AHCYL2: variants seen among roughly 807,000 people sequenced by gnomAD.
AHCYL2 encodes the protein S-adenosylhomocysteine hydrolase-like protein 2.
In AHCYL2, 28 loss-of-function variants were observed where a neutral mutation model predicts 81.4. The observed-to-expected ratio is 0.34, with a 90% CI of 0.25 to 0.47. AHCYL2 has a LOEUF of 0.47. Among genes scored for constraint, AHCYL2 ranks in the 20% least tolerant of loss-of-function variants. AHCYL2 has a pLI of 1.00. For missense variants in AHCYL2, 551 were observed against 785.1 expected (o/e 0.70, Z 3.56); for synonymous variants, 272 against 290.2 (o/e 0.94, Z 0.64).
At position 129,389,173 on chromosome 7, in the gene AHCYL2, G is replaced by A. The variant is rs750447678; in HGVS notation, c.593G>A (p.Arg198Gln). 1.8e-5 allele frequency: 29 copies of A among 1,613,872 alleles called. No homozygotes were observed. Among genetic ancestry groups the A allele is most frequent in the East Asian group, 4.5e-5 (2 of 44,888 alleles). ...VKNIKQAEFG[R>Q]REIEIAEQEM... is the part of the protein sequence containing the mutation. ...AACATCAAACAGGCAGAGTTTGGAC[G>A]AAGAGAAATTGAAATTGCTGAACAA... Residue 198 changes from arginine (R) to glutamine (Q), a missense_variant, in exon 3 of 17, where the codon CGA becomes CAA. Physicochemically the swap from Arg to Gln is conservative, Grantham distance 43. Transcript: ENST00000325006.
chr7:129,267,597 G>GC (rs1023676390), intron 1 of AHCYL2, among the ~76,000 whole-genome samples: 1 of 152,060 alleles, frequency 6.6e-6, no homozygotes, highest in African/African-American at 2.4e-5. Flanking sequence ...GAGCCACTGC[G>GC]CCCCTCCCCA....
intron 1 of AHCYL2, among the ~76,000 whole-genome samples, chr7:129,248,902 T>C (rs1318342416): frequency 1.3e-5 from 2 of 152,132 alleles, no homozygotes; most frequent in Non-Finnish European, 2.9e-5. Context: ...ATGAAATTGT[T>C]TTCTTGATTT....
intron 2 of AHCYL2, among the ~76,000 whole-genome samples, chr7:129,384,358 T>C (rs915640837): frequency 1.3e-5 from 2 of 151,092 alleles, no homozygotes; most frequent in Non-Finnish European, 2.9e-5. Context: ...TTCCTTTCTA[T>C]TTAAATGCAG....
At chr7:129,306,156 A>G (rs954460452) in intron 1 of AHCYL2, among the ~76,000 whole-genome samples, 10 of 152,078 alleles carry the variant, frequency 6.6e-5, no homozygotes, top group African/African-American at 1.9e-4. Flanking sequence ...GAAGTTCTCT[A>G]TTGTTATCCC....
intron 1 of AHCYL2, among the ~76,000 whole-genome samples, chr7:129,350,562 T>TAC (rs1478458197): frequency 6.6e-6 from 1 of 151,912 alleles, no homozygotes; most frequent in Non-Finnish European, 1.5e-5. Context: ...AATTTTTGTA[T>TAC]TTTTAGTAGA....
intron 1 of AHCYL2, among the ~76,000 whole-genome samples, chr7:129,322,034 C>G (rs1049986584): frequency 6.6e-6 from 1 of 151,682 alleles, no homozygotes; most frequent in African/African-American, 2.4e-5. Context: ...CCTTGGCCCC[C>G]CAAAGTGCTG....
At chr7:129,315,331 C>G (rs913167183) in intron 1 of AHCYL2, among the ~76,000 whole-genome samples, 2 of 152,172 alleles carry the variant, frequency 1.3e-5, no homozygotes, top group African/African-American at 4.8e-5. Context: ...GGTCCAGTAC[C>G]TTGGTTCTTT....
intron 1 of AHCYL2, among the ~76,000 whole-genome samples, chr7:129,363,305 G>A (rs1163666946): frequency 2.0e-5 from 3 of 152,118 alleles, no homozygotes; most frequent in Admixed American, 6.6e-5. Flanking sequence ...TATTGGAAAC[G>A]AATTTATAAC....
chr7:129,350,407 G>T (rs1409233551), intron 1 of AHCYL2, among the ~76,000 whole-genome samples: 8 of 150,276 alleles, frequency 5.3e-5, no homozygotes, highest in African/African-American at 2.0e-4. Flanking sequence ...TTTGGAGATG[G>T]AGTCTCACTT....
At chr7:129,385,871 C>T (rs951261963) in intron 2 of AHCYL2, among the ~76,000 whole-genome samples, 93 of 152,058 alleles carry the variant, frequency 6.1e-4, no homozygotes, top group Non-Finnish European at 2.9e-4. Context: ...TTTGTACATA[C>T]GTGTTGGGTT....
intron 1 of AHCYL2, among the ~76,000 whole-genome samples, chr7:129,316,613 G>A (rs1020046659): frequency 1.3e-5 from 2 of 152,180 alleles, no homozygotes; most frequent in Non-Finnish European, 2.9e-5. Flanking sequence ...GGTTATGAAG[G>A]ATTGATTTAA....
intron 1 of AHCYL2, among the ~76,000 whole-genome samples, chr7:129,291,712 T>TC (rs35300462): frequency 0.94 from 141,833 of 151,586 alleles, 67,050 homozygotes; most frequent in East Asian, 1. Context: ...ACGCCGTTCT[T>TC]CGCCTCAGCC....
intron 1 of AHCYL2, among the ~76,000 whole-genome samples, chr7:129,241,978 C>T (rs1471634420): frequency 1.4e-5 from 2 of 145,408 alleles, no homozygotes; most frequent in Non-Finnish European, 3.0e-5. Flanking sequence ...GTGTTTATAA[C>T]TCCCCTTCAT....
In AHCYL2 at chr7:129,406,389, G is replaced by T; in HGVS notation, c.1218G>T (p.Gly406=). Residue 406 remains glycine (G), a synonymous_variant, in exon 10 of 17, where the codon GGG becomes GGT. Coordinates refer to ENST00000325006, the MANE Select transcript of AHCYL2 (RefSeq NM_015328.4). This position sits in a 1 kb window ranked among gnomAD's most constrained non-coding sequence, Gnocchi z 4.3. Reference sequence around the variant, plus strand: ...TCTCCCCTCTTCAGGTGGGGAAAGGGTGCTGTGCTGCCCTGAAAGCCATGG... The same window carrying T: ...TCTCCCCTCTTCAGGTGGGGAAAGGTTGCTGTGCTGCCCTGAAAGCCATGG... The part of the protein sequence containing the change: ...VVCGYGEVGK[G]CCAALKAMGS... 1 of 1,614,024 alleles carries T rather than the reference G, an allele frequency of 6.2e-7. No individual in the cohort carries two copies. Among genetic ancestry groups the T allele is most frequent in the Non-Finnish European group, 8.5e-7 (1 of 1,179,976 alleles).
At chr7:129,227,483 G>A (rs1584678105) in intron 1 of AHCYL2, among the ~76,000 whole-genome samples, 1 of 149,048 alleles carries the variant, frequency 6.7e-6, no homozygotes, top group Non-Finnish European at 1.5e-5. Flanking sequence ...AAAAAGAGCC[G>A]GGCATGGTGG....
At chr7:129,231,103 A>C (rs1794420148) in intron 1 of AHCYL2, among the ~76,000 whole-genome samples, 1 of 151,680 alleles carries the variant, frequency 6.6e-6, no homozygotes, top group South Asian at 2.1e-4. Flanking sequence ...ATGGTGGTGC[A>C]CTCCTACAGT....
chr7:129,400,328 G>A lies in AHCYL2; in HGVS notation c.862G>A (p.Asp288Asn). 1 of 1,613,488 alleles carries A rather than the reference G, an allele frequency of 6.2e-7. No homozygotes were observed. The highest frequency in any genetic ancestry group is 1.3e-5 in the African/African-American group (1 of 75,000). Residue 288 changes from aspartate (D) to asparagine (N), a missense_variant, in exon 6 of 17, where the codon GAC (aspartate) becomes AAC (asparagine). Around this residue, in one of 2 missense-constraint regions of AHCYL2, gnomAD observed 316 missense variants for 543.1 expected, o/e 0.58. Transcript: ENST00000325006. ...VFAWKGESED[D>N]FWWCIDRCVN... ...TGCCTGGAAGGGAGAGTCAGAAGAT[G>A]ACTTTTGGTGGTGTATCGATAGATG... is the stretch of plus-strand genomic sequence containing the variant.
chr7:129,246,401 A>G (rs1410880495), intron 1 of AHCYL2, among the ~76,000 whole-genome samples: 1 of 152,120 alleles, frequency 6.6e-6, no homozygotes, highest in Non-Finnish European at 1.5e-5. Context: ...CCAGTTTCAG[A>G]ACATTTTCAT....
intron 1 of AHCYL2, among the ~76,000 whole-genome samples, chr7:129,261,527 T>C (rs1188813215): frequency 4.6e-5 from 7 of 152,212 alleles, no homozygotes; most frequent in Admixed American, 1.3e-4. Context: ...CTCTGATCTC[T>C]TAGTCTAATA....
Sources: gnomAD v4.1 joint callset for allele counts (sites outside exome capture counted in the v4.1 genomes callset) on GRCh38, gnomAD v4.1.1 for gene constraint, gnomAD v4.1.1 regional missense constraint, Gnocchi (gnomAD v3.1) non-coding constraint, MANE v1.5 for transcripts, NCBI Gene and HGNC (gene_info 2026-07-23, HGNC 2026-07-21) for gene names.